LRRC4C: variants seen among roughly 807,000 people sequenced by gnomAD.
The protein encoded by LRRC4C is leucine rich repeat containing 4C.
A neutral mutation model predicts 33.6 loss-of-function variants in LRRC4C; 5 were observed. That is an observed-to-expected ratio of 0.15 (90% CI 0.08 to 0.31). The LOEUF is 0.31. Among genes scored for constraint, LRRC4C ranks in the 10% least tolerant of loss-of-function variants. The pLI is 1.00. For missense variants in LRRC4C, 560 were observed against 796.7 expected, an observed-to-expected ratio of 0.70 and a Z score of 3.58; for synonymous variants, 329 against 302.0, an observed-to-expected ratio of 1.09 and a Z score of -0.93.
chr11:40,917,438 C>A (rs1441241741), intron 2 of LRRC4C, among the ~76,000 whole-genome samples: 1 of 152,106 alleles, frequency 6.6e-6, no homozygotes, highest in African/African-American at 2.4e-5. Flanking sequence ...TATTATTTTT[C>A]TCCAAAGATA....
intron 4 of LRRC4C, among the ~76,000 whole-genome samples, chr11:40,262,445 C>G (rs1344471615): frequency 6.6e-6 from 1 of 152,026 alleles, no homozygotes; most frequent in African/African-American, 2.4e-5. Context: ...GGATCTAGAG[C>G]CAGAAATACC....
chr11:40,801,279 A>G (rs976185390), intron 2 of LRRC4C, among the ~76,000 whole-genome samples: 24 of 152,138 alleles, frequency 1.6e-4, no homozygotes, highest in Admixed American at 9.8e-4. Context: ...GCACCTGGGT[A>G]TATTTGCCAT....
chr11:41,395,914 T>C (rs1174578545), intron 1 of LRRC4C, among the ~76,000 whole-genome samples: 1 of 152,096 alleles, frequency 6.6e-6, no homozygotes, highest in Non-Finnish European at 1.5e-5. Flanking sequence ...TATTTGTTTC[T>C]TTCCTTTTGG....
chr11:40,656,438 A>G (rs769925303), intron 2 of LRRC4C, among the ~76,000 whole-genome samples: 1 of 151,054 alleles, frequency 6.6e-6, no homozygotes, highest in African/African-American at 2.4e-5. Context: ...TGTCCCTAGT[A>G]TGGTAAGAGT....
At chr11:40,982,052 G>A (rs1852583245) in intron 1 of LRRC4C, among the ~76,000 whole-genome samples, 1 of 152,056 alleles carries the variant, frequency 6.6e-6, no homozygotes, top group Non-Finnish European at 1.5e-5. Flanking sequence ...AATTCCCCAT[G>A]ACTAACTTCC....
intron 1 of LRRC4C, among the ~76,000 whole-genome samples, chr11:41,034,504 A>C (rs2199450): frequency 0.73 from 103,350 of 142,126 alleles, 37,820 homozygotes; most frequent in South Asian, 0.78. Context: ...TATATATACA[A>C]AATATATGTG....
chr11:40,741,095 G>A (rs760040614), intron 2 of LRRC4C, among the ~76,000 whole-genome samples: 1 of 151,842 alleles, frequency 6.6e-6, no homozygotes, highest in African/African-American at 2.4e-5. Context: ...GTTTTCTTCT[G>A]CAGACCTTTC....
At chr11:41,102,032 T>C (rs986875286) in intron 1 of LRRC4C, among the ~76,000 whole-genome samples, 2 of 152,004 alleles carry the variant, frequency 1.3e-5, no homozygotes, top group Non-Finnish European at 2.9e-5. Context: ...AACTATTGAA[T>C]ACTAGGCTCA....
intron 4 of LRRC4C, among the ~76,000 whole-genome samples, chr11:40,243,687 C>CTTTTTTTT (rs1274780074): frequency 1.7e-5 from 2 of 117,184 alleles, no homozygotes; most frequent in African/African-American, 3.3e-5. Flanking sequence ...AAACTTATAT[C>CTTTTTTTT]TTTTTTTTTT....
intron 1 of LRRC4C, among the ~76,000 whole-genome samples, chr11:41,163,575 C>A (rs975664607): frequency 5.3e-5 from 8 of 151,344 alleles, no homozygotes; most frequent in Non-Finnish European, 1.2e-4. Context: ...TGAGCCACCA[C>A]ACCTGGCAAG....
chr11:40,245,135 G>A (rs1866229417), intron 4 of LRRC4C, among the ~76,000 whole-genome samples: 1 of 152,088 alleles, frequency 6.6e-6, no homozygotes, highest in Admixed American at 6.6e-5. Context: ...ATCTTCATCA[G>A]TCTTGGCCAT....
intron 2 of LRRC4C, among the ~76,000 whole-genome samples, chr11:40,832,384 T>C (rs1244872539): frequency 1.3e-5 from 2 of 152,164 alleles, no homozygotes; most frequent in Admixed American, 1.3e-4. Flanking sequence ...TACTTTTGCA[T>C]TATAATTAAA....
chr11:40,698,541 T>C (rs1375235448), intron 2 of LRRC4C, among the ~76,000 whole-genome samples: 1 of 150,726 alleles, frequency 6.6e-6, no homozygotes, highest in Non-Finnish European at 1.5e-5. Flanking sequence ...AAATGGAAAA[T>C]GGAAAAACGG....
At position 40,522,917 on chromosome 11, in the gene LRRC4C, T is replaced by C. The variant is rs1603210; in HGVS notation, c.-270+125225A>G. On this transcript the variant is annotated intron_variant, in intron 3 of 6. Transcript: ENST00000528697. ...AAGTTGAATAATATTCCAGTGTATG[T>C]ATGTATATTTTACATTTTGTTTATG... Among the ~76,000 whole-genome samples the C allele has an allele frequency of 6.0e-3, 908 of 152,332 alleles. 12 individuals carry two copies. The highest frequency in any genetic ancestry group is 0.021 in the African/African-American group (868 of 41,578).
intron 3 of LRRC4C, among the ~76,000 whole-genome samples, chr11:40,628,938 T>C (rs1464324180): frequency 6.6e-6 from 1 of 152,212 alleles, no homozygotes; most frequent in Non-Finnish European, 1.5e-5. Flanking sequence ...CCATGTATTT[T>C]CTCAGTTGTG....
intron 1 of LRRC4C, among the ~76,000 whole-genome samples, chr11:41,290,681 A>G (rs1029711098): frequency 6.6e-6 from 1 of 152,146 alleles, no homozygotes; most frequent in African/African-American, 2.4e-5. Flanking sequence ...GTTTAATGAG[A>G]CTTAAAAAAC....
At chr11:40,518,671 C>T (rs1955674059) in intron 3 of LRRC4C, among the ~76,000 whole-genome samples, 1 of 152,126 alleles carries the variant, frequency 6.6e-6, no homozygotes, top group African/African-American at 2.4e-5. Context: ...ATTAGTTCAA[C>T]CATTGTGGAA....
intron 2 of LRRC4C, among the ~76,000 whole-genome samples, chr11:40,863,665 A>C (rs1168118783): frequency 2.0e-5 from 3 of 152,194 alleles, no homozygotes; most frequent in Non-Finnish European, 4.4e-5. Context: ...AAAGATAAGG[A>C]GGAAATTAAA....
chr11:41,283,813 G>T (rs572930042), intron 1 of LRRC4C, among the ~76,000 whole-genome samples: 68 of 152,260 alleles, frequency 4.5e-4, no homozygotes, highest in African/African-American at 1.6e-3. Context: ...AGTACTGGGT[G>T]CCAACATTGG....
Sources: gnomAD v4.1 joint callset for allele counts (sites outside exome capture counted in the v4.1 genomes callset) on GRCh38, gnomAD v4.1.1 for gene constraint, MANE v1.5 for transcripts, NCBI Gene and HGNC (gene_info 2026-07-23, HGNC 2026-07-21) for gene names.